Variants in KIT observed in about 807,000 individuals in gnomAD.
KIT encodes the protein mast/stem cell growth factor receptor Kit.
KIT carries 16 observed loss-of-function variants against 105.7 expected under a neutral mutation model. The ratio of observed to expected loss-of-function variants is 0.15; its 90% CI spans 0.10 to 0.23. KIT has a LOEUF of 0.23. Ranked by LOEUF, KIT falls within the 10% of genes least tolerant of loss-of-function variation. The pLI is 1.00. For synonymous variants in KIT, 438 were observed against 441.1 expected (o/e 0.99, Z 0.09); for missense variants, 858 against 1,213.8 (o/e 0.71, Z 4.36).
intron 13 of KIT, among the ~76,000 whole-genome samples, chr4:54,729,067 C>T (rs533652660): frequency 6.6e-6 from 1 of 152,302 alleles, no homozygotes; most frequent in South Asian, 2.1e-4. Flanking sequence ...AGTAACTTCT[C>T]TCTGTAAAAC....
intron 1 of KIT, among the ~76,000 whole-genome samples, chr4:54,674,182 C>A (rs938074204): frequency 6.6e-6 from 1 of 152,098 alleles, no homozygotes; most frequent in Non-Finnish European, 1.5e-5. Flanking sequence ...CTTTCCCTTA[C>A]CTTTGCCCCT....
intron 16 of KIT, 47 bp downstream of exon 16, chr4:54,732,045 ATTTTTTTTTTTT>A (rs71662297): frequency 7.4e-5 from 66 of 888,854 alleles, no homozygotes; most frequent in East Asian, 9.5e-5. Context: ...TGTTTTTTTG[ATTTTTTTTTTTT>A]TTTTTTTTTT....
chr4:54,702,199 G>A (rs987009615), intron 4 of KIT, among the ~76,000 whole-genome samples: 13 of 152,058 alleles, frequency 8.5e-5, no homozygotes, highest in African/African-American at 3.1e-4. Flanking sequence ...CACCGTCATA[G>A]ATAGCAATGC....
rs529920663 is a variant in KIT at position 54,707,162 on chromosome 4, T to C, written c.990T>C (p.Asn330=). 5 of 1,589,470 alleles carry C rather than the reference T, an allele frequency of 3.1e-6. No homozygotes were observed. Among genetic ancestry groups the C allele is most frequent in the South Asian group, 2.2e-5 (2 of 90,490 alleles). ...CAGTATTTGTAAACGATGGAGAAAA[T>C]GTAGATTTGATTGTTGAATATGAAG... ...NTTVFVNDGE[N]VDLIVEYEAF... The change falls in exon 6 of 21, where the codon AAT becomes AAC. Residue 330 remains asparagine, a synonymous_variant. Transcript: ENST00000288135.
chr4:54,695,434 G>A (rs536136423), intron 1 of KIT, 78 bp from the exon 2 acceptor site: 30 of 1,458,538 alleles, frequency 2.1e-5, no homozygotes, highest in Non-Finnish European at 2.7e-5. Context: ...ACAGAAGATG[G>A]AACTCAGTAT....
chr4:54,718,153 T>G lies in KIT; in HGVS notation c.1232-5431T>G, dbSNP rs557853155. On this transcript the variant is annotated intron_variant, in intron 7 of 20. Coordinates refer to ENST00000288135, the MANE Select transcript of KIT (RefSeq NM_000222.3). ...TCTTGTTCCGTCGCCTAAGCTGTAGTGCAGTGGCACAATCTTGGCTCACTG... is the reference window on the plus strand; with the variant it reads ...TCTTGTTCCGTCGCCTAAGCTGTAGGGCAGTGGCACAATCTTGGCTCACTG... 8.5e-5 allele frequency among the ~76,000 whole-genome samples: 13 copies of G among 152,340 alleles called. No individual in the cohort carries two copies. In the South Asian group the frequency reaches 1.5e-3, roughly 17 times the overall value.
chr4:54,727,394 A>G lies in KIT; in HGVS notation c.1648-22A>G, dbSNP rs201296684. ...GACAATAATTATTAAAAGGTGATCTATTTTTCCCTTTCTCCCCACAGAAAC... is the reference window on the plus strand; with the variant it reads ...GACAATAATTATTAAAAGGTGATCTGTTTTTCCCTTTCTCCCCACAGAAAC... On this transcript the variant is annotated intron_variant, in intron 10 of 20. Transcript: ENST00000288135. The G allele has an allele frequency of 6.3e-5, 101 of 1,614,112 alleles. 1 individual carries two copies. Among genetic ancestry groups the G allele is most frequent in the Admixed American group, 6.2e-4 (37 of 60,002 alleles).
In KIT at chr4:54,659,271, A is replaced by G. The variant is rs188225784; in HGVS notation, c.67+1190A>G. On this transcript the variant is annotated intron_variant, in intron 1 of 20. Transcript: ENST00000288135. ...ACTGGGTCTTAGGTGAAGGATTTGC[A>G]GGTTGCTGGAGCCCCTTGGTCAGAT... Among the ~76,000 whole-genome samples the G allele has an allele frequency of 5.7e-3, 871 of 152,300 alleles. 7 individuals are homozygous for G. The highest frequency in any genetic ancestry group is 0.02 in the African/African-American group (826 of 41,564).
intron 6 of KIT, among the ~76,000 whole-genome samples, chr4:54,709,090 A>AG (rs1720974864): frequency 8.4e-6 from 1 of 119,470 alleles, no homozygotes; most frequent in African/African-American, 3.1e-5. Context: ...CACCATGGGC[A>AG]GGGGAGGAAG....
intron 14 of KIT, among the ~76,000 whole-genome samples, chr4:54,729,984 T>A (rs556138541): frequency 1.3e-5 from 2 of 152,318 alleles, no homozygotes; most frequent in Admixed American, 6.5e-5. Flanking sequence ...ATACCTTGCC[T>A]CTTGCCCTTT....
chr4:54,684,295 A>G (rs1024787059), intron 1 of KIT, among the ~76,000 whole-genome samples: 10 of 152,218 alleles, frequency 6.6e-5, no homozygotes, highest in African/African-American at 2.4e-4. Context: ...TTCGTCTCAC[A>G]TGTCCTTGGA....
At chr4:54,691,829 A>G (rs1484873786) in intron 1 of KIT, among the ~76,000 whole-genome samples, 1 of 152,060 alleles carries the variant, frequency 6.6e-6, no homozygotes, top group Non-Finnish European at 1.5e-5. Context: ...GTGGAACAGC[A>G]GGAATGGAAG....
chr4:54,690,367 G>A (rs557644809), intron 1 of KIT, among the ~76,000 whole-genome samples: 4 of 152,134 alleles, frequency 2.6e-5, no homozygotes, highest in Admixed American at 6.5e-5. Flanking sequence ...TTGACTCTTC[G>A]TAAGTGTCCG....
chr4:54,738,296 C>G (rs1343491219), intron 20 of KIT, 133 bp from the exon 21 acceptor site: 13 of 1,133,424 alleles, frequency 1.1e-5, no homozygotes, highest in Non-Finnish European at 1.7e-5. Flanking sequence ...GTTTTGGCCA[C>G]AAAGTTCTTG....
chr4:54,725,800 T>C (rs1722178589), intron 8 of KIT, 57 bp from the exon 9 acceptor site: 2 of 1,458,010 alleles, frequency 1.4e-6, no homozygotes, highest in Non-Finnish European at 9.6e-7. Context: ...CCCAAGTGTT[T>C]TATGTATTTA....
intron 1 of KIT, among the ~76,000 whole-genome samples, chr4:54,690,080 G>A (rs1719598707): frequency 7.0e-6 from 1 of 143,736 alleles, no homozygotes; most frequent in Non-Finnish European, 1.5e-5. Context: ...GCTGTGTAAT[G>A]TTCCATTGTA....
intron 7 of KIT, among the ~76,000 whole-genome samples, chr4:54,712,557 G>C (rs1403741653): frequency 1.3e-5 from 2 of 152,148 alleles, no homozygotes; most frequent in Non-Finnish European, 2.9e-5. Flanking sequence ...AGTTGGTCAT[G>C]AGATATTGAC....
intron 7 of KIT, among the ~76,000 whole-genome samples, chr4:54,712,239 T>A (rs1371735075): frequency 1.3e-5 from 2 of 152,158 alleles, no homozygotes; most frequent in Non-Finnish European, 2.9e-5. Context: ...AAAAGAACAA[T>A]ATACAAAATA....
At position 54,725,756 on chromosome 4, in the gene KIT, GA is replaced by G. The variant is rs1176132059; in HGVS notation, c.1347-99del. 4.6e-6 allele frequency: 5 copies of G among 1,091,020 alleles called. No homozygotes were observed. The African/African-American group carries it at 7.8e-5, about 17-fold the overall frequency. The allele number at this position is 1,091,020 out of a possible 1,614,324, so 67.6% of individuals were successfully genotyped here. A position where few individuals can be genotyped will look rare whatever the true frequency, so the allele number is the denominator to read the frequency against. On this transcript the variant is annotated intron_variant, in intron 8 of 20. Transcript: ENST00000288135. Reference sequence around the variant, plus strand: ...TAAAAGGACATTTTCTGTTGATTATGAACCTCTAACTTTGTTTTAAAAGTAT... The same window carrying G: ...TAAAAGGACATTTTCTGTTGATTATGACCTCTAACTTTGTTTTAAAAGTAT...
Sources: allele counts gnomAD v4.1 joint callset (sites outside exome capture counted in the v4.1 genomes callset), GRCh38; gene constraint gnomAD v4.1.1; transcripts MANE v1.5; gene names NCBI Gene and HGNC (gene_info 2026-07-23, HGNC 2026-07-21).